CEP97: variants seen among roughly 807,000 people sequenced by gnomAD.
CEP97 encodes centrosomal protein of 97 kDa.
Under a neutral mutation model 73.1 loss-of-function variants are expected in CEP97, and 43 were observed. That is an observed-to-expected ratio of 0.59 (90% confidence interval 0.46 to 0.76). The LOEUF is 0.76. CEP97 is among the 30% of genes least tolerant of loss of function. The pLI, the probability that CEP97 is intolerant of heterozygous loss-of-function variation, is 0.00. For synonymous variants in CEP97, 337 were observed against 370.0 expected (o/e 0.91, Z 1.02); for missense variants, 939 against 1,014.0 (o/e 0.93, Z 1.00).
intron 6 of CEP97, among the ~76,000 whole-genome samples, chr3:101,745,861 C>T (rs1045762329): frequency 3.3e-5 from 5 of 152,164 alleles, no homozygotes; most frequent in South Asian, 2.1e-4. Context: ...CCCACTAACT[C>T]ATCATCTAGC....
At position 101,764,923 on chromosome 3, in the gene CEP97, C is replaced by A. The variant is rs1217332448; in HGVS notation, c.1970C>A (p.Ser657Ter). 1 of 1,614,150 alleles carries A rather than the reference C, an allele frequency of 6.2e-7. No individual in the cohort carries two copies. The highest frequency in any genetic ancestry group is 1.1e-5 in the South Asian group (1 of 91,058). ...SSWHTDVPPI[S>*]STLVPSKHPL... Reference sequence around the variant, plus strand: ...TGGCATACTGATGTTCCTCCTATATCAAGTACTCTTGTGCCATCGAAACAT... The same window carrying A: ...TGGCATACTGATGTTCCTCCTATATAAAGTACTCTTGTGCCATCGAAACAT... Residue 657 changes from serine to a stop codon, truncating the protein, a stop_gained, in exon 11 of 11, where the codon TCA becomes TAA. Coordinates refer to ENST00000341893, the MANE Select transcript of CEP97 (RefSeq NM_024548.4). LOFTEE classifies it low-confidence loss of function (END_TRUNC).
chr3:101,728,262 G>GT (rs5851280), intron 3 of CEP97, among the ~76,000 whole-genome samples: 10,046 of 135,322 alleles, frequency 0.074, 374 homozygotes, highest in Middle Eastern at 0.11. Flanking sequence ...GGTTTCTTTT[G>GT]TTTTTTTTTT....
chr3:101,764,999 G>T lies in CEP97; in HGVS notation c.2046G>T (p.Trp682Cys), dbSNP rs757139052. Residue 682 changes from tryptophan (W) to cysteine (C), a missense_variant, in exon 11 of 11, where the codon TGG (tryptophan) becomes TGT (cysteine). Trp to Cys is a radical substitution (Grantham distance 215, BLOSUM62 -2). Transcript: ENST00000341893. ...CCTCTTGTGATCAAAATGCTGATTG[G>T]TTTATTGCTTCTGATGTAGCTCCTC... is the stretch of plus-strand genomic sequence containing the variant. ...QESSCDQNADWFIASDVAPQE... is the reference protein window; with the variant it reads ...QESSCDQNADCFIASDVAPQE... 6.2e-7 allele frequency: 1 copy of T among 1,614,096 alleles called. No homozygotes were observed. The highest frequency in any genetic ancestry group is 2.2e-5 in the East Asian group (1 of 44,874).
rs563440067 is a variant in CEP97 at position 101,737,958 on chromosome 3, A to T, written c.728+5304A>T. ...CTCAGGAGATGCATCTCACATGTAAAGACACACATAGATTCAAAGGGATGG... is the reference window on the plus strand; with the variant it reads ...CTCAGGAGATGCATCTCACATGTAATGACACACATAGATTCAAAGGGATGG... On this transcript the variant is annotated intron_variant, in intron 6 of 10. Coordinates refer to ENST00000341893, the MANE Select transcript of CEP97 (RefSeq NM_024548.4). Among the ~76,000 whole-genome samples the T allele has an allele frequency of 2.0e-5, 3 of 150,760 alleles. No homozygotes were observed. The East Asian group carries it at 5.9e-4, about 30-fold the overall frequency.
intron 1 of CEP97, among the ~76,000 whole-genome samples, chr3:101,724,930 A>G (rs1937829680): frequency 6.6e-6 from 1 of 152,134 alleles, no homozygotes; most frequent in African/African-American, 2.4e-5. Flanking sequence ...CGAGCGGGGG[A>G]CTACAGCCCC....
At chr3:101,740,099 A>C (rs183223028) in intron 6 of CEP97, among the ~76,000 whole-genome samples, 31 of 152,330 alleles carry the variant, frequency 2.0e-4, no homozygotes, top group Middle Eastern at 3.4e-3. Context: ...ACTCCTATTC[A>C]ACATAGTATT....
At chr3:101,724,851 G>A in intron 1 of CEP97, 132 bp downstream of exon 1, 3 of 938,126 alleles carry the variant, frequency 3.2e-6, no homozygotes, top group Non-Finnish European at 3.2e-6. Flanking sequence ...GGTCGTCGCG[G>A]AGGCGGGCTA....
intron 6 of CEP97, among the ~76,000 whole-genome samples, chr3:101,752,745 C>T (rs1284554794): frequency 6.6e-6 from 1 of 152,224 alleles, no homozygotes; most frequent in Non-Finnish European, 1.5e-5. Flanking sequence ...TCAGCTCCAT[C>T]AGCTCCTTTA....
intron 6 of CEP97, among the ~76,000 whole-genome samples, chr3:101,741,333 A>G (rs1938444901): frequency 6.6e-6 from 1 of 152,224 alleles, no homozygotes; most frequent in Non-Finnish European, 1.5e-5. Context: ...AACCAAGACA[A>G]TTCCATTCAG....
intron 4 of CEP97, among the ~76,000 whole-genome samples, chr3:101,730,994 T>C (rs1394441788): frequency 3.3e-5 from 5 of 151,670 alleles, no homozygotes; most frequent in Non-Finnish European, 7.4e-5. Flanking sequence ...AGCCTATTTA[T>C]CTGATCAGAA....
At chr3:101,742,590 G>A (rs2107154193) in intron 6 of CEP97, among the ~76,000 whole-genome samples, 1 of 152,226 alleles carries the variant, frequency 6.6e-6, no homozygotes, top group Non-Finnish European at 1.5e-5. Flanking sequence ...GGCCTGTTGG[G>A]TGGGGGCTAG....
chr3:101,727,537 T>A lies in CEP97; in HGVS notation c.341T>A (p.Leu114His), dbSNP rs748150474. Reference sequence around the variant, plus strand: ...TGGCTGAATTTGGCAGGAAATAATCTTAAGGTGAATGGTTTCTTTTTTGTT... The same window carrying A: ...TGGCTGAATTTGGCAGGAAATAATCATAAGGTGAATGGTTTCTTTTTTGTT... ...LEWLNLAGNNLKAMEQINSCT... is the reference protein window; with the variant it reads ...LEWLNLAGNNHKAMEQINSCT... Residue 114 changes from leucine (L) to histidine (H), a missense_variant, in exon 3 of 11, where the codon CTT becomes CAT. Leu to His is a moderately conservative substitution (Grantham distance 99). Coordinates refer to ENST00000341893, the MANE Select transcript of CEP97 (RefSeq NM_024548.4). 1 of 1,602,922 alleles carries A rather than the reference T, an allele frequency of 6.2e-7. No individual in the cohort carries two copies. Among genetic ancestry groups the A allele is most frequent in the African/African-American group, 1.3e-5 (1 of 74,568 alleles).
chr3:101,740,119 G>A (rs543801381), intron 6 of CEP97, among the ~76,000 whole-genome samples: 3 of 152,172 alleles, frequency 2.0e-5, no homozygotes, highest in Non-Finnish European at 4.4e-5. Context: ...TGGAAGTTTT[G>A]GCCAAGGCAA....
At position 101,767,924 on chromosome 3, in the gene CEP97, AT is replaced by A. The variant is rs1939358369; in HGVS notation, c.*2376del. ...GGGTTTACATTATACTTTAAAAGTA[AT>A]TTATATAATTAAAATATTTGGTTTT... is the stretch of plus-strand genomic sequence containing the variant. On this transcript the variant is annotated 3_prime_UTR_variant, in exon 11 of 11. Coordinates refer to ENST00000341893, the MANE Select transcript of CEP97 (RefSeq NM_024548.4). 1 of 152,198 alleles carries A rather than the reference AT, an allele frequency of 6.6e-6. No homozygotes were observed. Among genetic ancestry groups the A allele is most frequent in the African/African-American group, 2.4e-5 (1 of 41,466 alleles). 9.4% of individuals were successfully genotyped at this position (152,198 alleles called of 1,614,324 possible).
At chr3:101,746,156 T>G (rs2107161381) in intron 6 of CEP97, among the ~76,000 whole-genome samples, 1 of 152,382 alleles carries the variant, frequency 6.6e-6, no homozygotes, top group South Asian at 2.1e-4. Flanking sequence ...AGTCTATCAT[T>G]GTTGGACATT....
intron 6 of CEP97, among the ~76,000 whole-genome samples, chr3:101,745,526 A>G (rs2107160068): frequency 6.6e-6 from 1 of 151,048 alleles, no homozygotes; most frequent in East Asian, 1.9e-4. Context: ...TCAGCCTCCC[A>G]AAGTGCTGGG....
intron 6 of CEP97, among the ~76,000 whole-genome samples, chr3:101,746,303 C>G (rs1437600031): frequency 6.6e-6 from 1 of 152,130 alleles, no homozygotes; most frequent in Non-Finnish European, 1.5e-5. Flanking sequence ...GTAACCAAAA[C>G]AGCATGGTAC....
At chr3:101,733,651 C>A (rs1255094460) in intron 6 of CEP97, among the ~76,000 whole-genome samples, 1 of 150,996 alleles carries the variant, frequency 6.6e-6, no homozygotes, top group African/African-American at 2.4e-5. Context: ...CTGCCTCAGC[C>A]TCCCGAGTAG....
chr3:101,762,161 C>A (rs956849327), intron 9 of CEP97, among the ~76,000 whole-genome samples: 3 of 152,068 alleles, frequency 2.0e-5, no homozygotes, highest in Non-Finnish European at 4.4e-5. Flanking sequence ...GACAAAGAGC[C>A]ATTTAACATT....
Sources: allele counts gnomAD v4.1 joint callset (sites outside exome capture counted in the v4.1 genomes callset), GRCh38; gene constraint gnomAD v4.1.1; transcripts MANE v1.5; gene names NCBI Gene and HGNC (gene_info 2026-07-23, HGNC 2026-07-21).